Variants in MARCHF1 observed in about 807,000 individuals in gnomAD.
MARCHF1 encodes E3 ubiquitin-protein ligase MARCHF1.
MARCHF1 carries 40 observed loss-of-function variants against 54.2 expected under a neutral mutation model. The observed-to-expected ratio is 0.74, with a 90% CI of 0.57 to 0.96. MARCHF1 has a LOEUF of 0.96. MARCHF1 is among the 40% of genes least tolerant of loss of function. The probability of loss-of-function intolerance (pLI) is 0.00; values close to 1 mark genes in which losing one functional copy is unlikely to be tolerated. For synonymous variants in MARCHF1, 236 were observed against 236.3 expected (o/e 1.00, Z 0.01); for missense variants, 586 against 656.5 (o/e 0.89, Z 1.17).
chr4:164,112,024 A>T (rs1288310573), intron 1 of MARCHF1, among the ~76,000 whole-genome samples: 1 of 151,894 alleles, frequency 6.6e-6, no homozygotes, highest in East Asian at 1.9e-4. Context: ...CTCTCCAAAG[A>T]CAGAGGCAAA....
intron 1 of MARCHF1, among the ~76,000 whole-genome samples, chr4:164,145,213 AT>A (rs1378542259): frequency 6.6e-6 from 1 of 152,120 alleles, no homozygotes; most frequent in African/African-American, 2.4e-5. Flanking sequence ...CCAGGACCAG[AT>A]GGATTCACAG....
At chr4:164,241,745 A>T (rs973626317) in intron 1 of MARCHF1, among the ~76,000 whole-genome samples, 21 of 152,158 alleles carry the variant, frequency 1.4e-4, no homozygotes, top group Non-Finnish European at 2.4e-4. Context: ...AGTGCCAGAC[A>T]GTGGGCACAG....
intron 2 of MARCHF1, among the ~76,000 whole-genome samples, chr4:164,061,335 A>C (rs942135011): frequency 2.6e-5 from 4 of 151,782 alleles, no homozygotes; most frequent in African/African-American, 4.8e-5. Context: ...GTCTTTCATC[A>C]ATTCTTTGAT....
intron 2 of MARCHF1, among the ~76,000 whole-genome samples, chr4:164,037,411 AAAAAGTGAACTGAT>A (rs905889036): frequency 6.6e-6 from 1 of 152,228 alleles, no homozygotes; most frequent in Non-Finnish European, 1.5e-5. Flanking sequence ...TACAAAAATG[AAAAAGTGAACTGAT>A]AAGCAATATA....
At chr4:163,894,604 T>C (rs1750738929) in intron 3 of MARCHF1, among the ~76,000 whole-genome samples, 1 of 139,392 alleles carries the variant, frequency 7.2e-6, no homozygotes, top group East Asian at 2.2e-4. Flanking sequence ...ATGCATGTGA[T>C]GCATATATAT....
intron 4 of MARCHF1, among the ~76,000 whole-genome samples, chr4:163,757,962 T>A (rs1746725924): frequency 6.6e-6 from 1 of 152,130 alleles, no homozygotes; most frequent in African/African-American, 2.4e-5. Context: ...AAAAGTTAAT[T>A]TCATGATTTA....
chr4:164,197,387 C>T (rs1375750884), intron 1 of MARCHF1: 1 of 1,613,154 alleles, frequency 6.2e-7, no homozygotes, highest in Non-Finnish European at 8.5e-7. Context: ...TTGAGGTTTT[C>T]TAACTGTTTC....
intron 1 of MARCHF1, among the ~76,000 whole-genome samples, chr4:164,121,546 A>T (rs1005593114): frequency 3.9e-5 from 6 of 152,114 alleles, no homozygotes; most frequent in African/African-American, 1.4e-4. Flanking sequence ...TGAGAACAGC[A>T]TGGGGGAATC....
chr4:163,890,715 T>G (rs1025589656), intron 3 of MARCHF1, among the ~76,000 whole-genome samples: 7 of 152,162 alleles, frequency 4.6e-5, no homozygotes, highest in Non-Finnish European at 7.3e-5. Flanking sequence ...TAAGTTTTTA[T>G]AATAATTGTG....
intron 5 of MARCHF1, among the ~76,000 whole-genome samples, chr4:163,665,897 G>A (rs546561979): frequency 1.1e-4 from 17 of 152,126 alleles, no homozygotes; most frequent in Non-Finnish European, 2.1e-4. Flanking sequence ...TCAGAGGTTA[G>A]AGTTTTTGGA....
At position 163,914,382 on chromosome 4, in the gene MARCHF1, T is replaced by A. The variant is rs574558039; in HGVS notation, c.-38-60213A>T. ...TTGTCGAGCTTCATTTAGAGGCAAATTTGTCTTCTTAAAAGTTTTTCATCT... is the reference window on the plus strand; with the variant it reads ...TTGTCGAGCTTCATTTAGAGGCAAAATTGTCTTCTTAAAAGTTTTTCATCT... On this transcript the variant is annotated intron_variant, in intron 3 of 9. Coordinates refer to ENST00000514618, the MANE Select transcript of MARCHF1 (RefSeq NM_001394959.1). 8.5e-5 allele frequency among the ~76,000 whole-genome samples: 13 copies of A among 152,244 alleles called. No homozygotes were observed. The East Asian group carries it at 2.5e-3, about 29-fold the overall frequency.
intron 3 of MARCHF1, among the ~76,000 whole-genome samples, chr4:163,861,280 A>G (rs9994233): frequency 0.077 from 11,735 of 152,212 alleles, 951 homozygotes; most frequent in East Asian, 0.32. Flanking sequence ...AAGAATGGAG[A>G]AAAGAAAACG....
intron 7 of MARCHF1, among the ~76,000 whole-genome samples, chr4:163,602,025 A>G (rs1276855283): frequency 6.6e-6 from 1 of 152,066 alleles, no homozygotes; most frequent in Non-Finnish European, 1.5e-5. Context: ...ACTGCTAAGA[A>G]CAAGGCATAT....
chr4:163,631,005 C>T (rs891037411), intron 5 of MARCHF1, among the ~76,000 whole-genome samples: 1 of 152,072 alleles, frequency 6.6e-6, no homozygotes, highest in African/African-American at 2.4e-5. Flanking sequence ...ATGTAAGTGT[C>T]TGTGGTTTTG....
intron 1 of MARCHF1, among the ~76,000 whole-genome samples, chr4:164,135,787 A>G (rs1479000767): frequency 6.6e-6 from 1 of 152,260 alleles, no homozygotes; most frequent in Non-Finnish European, 1.5e-5. Flanking sequence ...TAAAATATTC[A>G]AAGATGTGGT....
chr4:164,280,869 G>A (rs1255679847), intron 1 of MARCHF1, among the ~76,000 whole-genome samples: 3 of 152,154 alleles, frequency 2.0e-5, no homozygotes, highest in East Asian at 1.9e-4. Flanking sequence ...GATATTAGTT[G>A]TAATTTTATA....
At chr4:164,136,025 A>T (rs1236433163) in intron 1 of MARCHF1, among the ~76,000 whole-genome samples, 2 of 152,174 alleles carry the variant, frequency 1.3e-5, no homozygotes, top group Admixed American at 6.5e-5. Flanking sequence ...AAATGAAAAG[A>T]TACAGAGAAA....
At chr4:164,106,954 C>T in intron 2 of MARCHF1, among the ~76,000 whole-genome samples, 1 of 152,018 alleles carries the variant, frequency 6.6e-6, no homozygotes, top group East Asian at 1.9e-4. Flanking sequence ...CAACCATATG[C>T]AGAAGATCTT....
chr4:164,213,202 T>TA (rs1731826577), intron 1 of MARCHF1, among the ~76,000 whole-genome samples: 2 of 121,964 alleles, frequency 1.6e-5, no homozygotes, highest in Admixed American at 9.5e-5. Context: ...GGGCTTTTAC[T>TA]TTTATTATTA....
Sources: gnomAD v4.1 joint callset for allele counts (sites outside exome capture counted in the v4.1 genomes callset) on GRCh38, gnomAD v4.1.1 for gene constraint, MANE v1.5 for transcripts, NCBI Gene and HGNC (gene_info 2026-07-23, HGNC 2026-07-21) for gene names.